GSTCD: variants seen among roughly 807,000 people sequenced by gnomAD.
GSTCD encodes the protein glutathione S-transferase C-terminal domain-containing protein.
Under a neutral mutation model 68.3 loss-of-function variants are expected in GSTCD, and 44 were observed. The ratio of observed to expected loss-of-function variants is 0.64; its 90% CI spans 0.51 to 0.83. GSTCD has a LOEUF of 0.83. Ranked by LOEUF, GSTCD falls within the 40% of genes least tolerant of loss-of-function variation. GSTCD has a pLI of 0.00. For missense variants in GSTCD, 739 were observed against 735.9 expected (o/e 1.00, Z -0.05); for synonymous variants, 273 against 255.2 (o/e 1.07, Z -0.67).
At chr4:105,713,971 C>G (rs1392336762) in intron 1 of GSTCD, among the ~76,000 whole-genome samples, 1 of 151,136 alleles carries the variant, frequency 6.6e-6, no homozygotes, top group Non-Finnish European at 1.5e-5. Context: ...TACTGTTTAT[C>G]TCTCATTCTC....
At chr4:105,739,241 T>C (rs192401809) in intron 5 of GSTCD, among the ~76,000 whole-genome samples, 2 of 152,326 alleles carry the variant, frequency 1.3e-5, no homozygotes, top group Admixed American at 6.5e-5. Context: ...TGTTTGCTAG[T>C]ATTTTGTTGA....
intron 7 of GSTCD, chr4:105,823,580 A>G (rs529260475): frequency 1.0e-5 from 2 of 195,980 alleles, no homozygotes; most frequent in East Asian, 1.2e-4. Flanking sequence ...AATTTTCAAT[A>G]TAATTTTAAA....
chr4:105,719,365 A>G lies in GSTCD; in HGVS notation c.732A>G (p.Ser244=). ...GTCTGGAACTGAAAGTGGCATTCTC[A>G]AAGCTCACAGTACAGGAAGAACCAG... is the stretch of plus-strand genomic sequence containing the variant. ...SKSLELKVAF[S]KLTVQEEPAT... is the part of the protein sequence containing the mutation. The change falls in exon 3 of 12, where the codon TCA becomes TCG. Residue 244 remains serine, a synonymous_variant. Coordinates refer to ENST00000515279, the MANE Select transcript of GSTCD (RefSeq NM_001370181.1). 6.2e-7 allele frequency: 1 copy of G among 1,613,828 alleles called. No homozygotes were observed. Among genetic ancestry groups the G allele is most frequent in the Non-Finnish European group, 8.5e-7 (1 of 1,179,722 alleles).
In GSTCD at chr4:105,812,350, TTTTTTA is replaced by T. The variant is rs570400546; in HGVS notation, c.1241-10581_1241-10576del. On this transcript the variant is annotated intron_variant, in intron 5 of 11. Coordinates refer to ENST00000515279, the MANE Select transcript of GSTCD (RefSeq NM_001370181.1). Reference sequence around the variant, plus strand: ...GCTTGTGCATGCTTACACACTATAGTTTTTTATTTTTATTTTTATTTTTATTTTCAT... The same window carrying T: ...GCTTGTGCATGCTTACACACTATAGTTTTTTATTTTTATTTTTATTTTCAT... 2.7e-3 allele frequency among the ~76,000 whole-genome samples: 407 copies of T among 152,126 alleles called. 2 individuals carry two copies. The highest frequency in any genetic ancestry group is 9.3e-3 in the African/African-American group (388 of 41,526).
intron 5 of GSTCD, among the ~76,000 whole-genome samples, chr4:105,732,531 G>A (rs1404301085): frequency 6.6e-6 from 1 of 152,068 alleles, no homozygotes; most frequent in African/African-American, 2.4e-5. Context: ...GGGATCGGTG[G>A]TGATATCACC....
chr4:105,794,787 T>C (rs1266706109), intron 5 of GSTCD, among the ~76,000 whole-genome samples: 1 of 152,010 alleles, frequency 6.6e-6, no homozygotes, highest in Non-Finnish European at 1.5e-5. Context: ...TTTTTATTTC[T>C]ACCACGTTTG....
At chr4:105,828,563 C>T (rs921638297) in intron 8 of GSTCD, among the ~76,000 whole-genome samples, 3 of 152,132 alleles carry the variant, frequency 2.0e-5, no homozygotes, top group Non-Finnish European at 2.9e-5. Context: ...TCAGAAAAAT[C>T]AAACTCTATG....
At chr4:105,826,540 A>C (rs1219574309) in intron 8 of GSTCD, among the ~76,000 whole-genome samples, 2 of 152,130 alleles carry the variant, frequency 1.3e-5, no homozygotes, top group African/African-American at 4.8e-5. Flanking sequence ...TATGCCTACT[A>C]TCAAGTGATA....
chr4:105,743,653 CTTTTTTTT>C (rs777714268), intron 5 of GSTCD, among the ~76,000 whole-genome samples: 2 of 88,848 alleles, frequency 2.3e-5, no homozygotes, highest in Non-Finnish European at 4.3e-5. Context: ...ACAGGACATT[CTTTTTTTT>C]TTTTTTTTTT....
At chr4:105,711,424 TG>T (rs1249419032) in intron 1 of GSTCD, among the ~76,000 whole-genome samples, 2 of 152,198 alleles carry the variant, frequency 1.3e-5, no homozygotes, top group African/African-American at 4.8e-5. Flanking sequence ...AGTATTTGGT[TG>T]GGAAAAACTT....
intron 5 of GSTCD, among the ~76,000 whole-genome samples, chr4:105,818,712 T>C (rs1723130142): frequency 6.6e-6 from 1 of 151,744 alleles, no homozygotes; most frequent in Non-Finnish European, 1.5e-5. Flanking sequence ...AGACAGAATG[T>C]GGTGAGCATA....
intron 5 of GSTCD, among the ~76,000 whole-genome samples, chr4:105,813,122 C>G (rs1722821481): frequency 6.6e-6 from 1 of 152,130 alleles, no homozygotes; most frequent in South Asian, 2.1e-4. Flanking sequence ...CAAGCTACTT[C>G]ATTATTTTTG....
At chr4:105,830,701 T>A (rs1367588992) in intron 8 of GSTCD, among the ~76,000 whole-genome samples, 1 of 152,112 alleles carries the variant, frequency 6.6e-6, no homozygotes, top group Non-Finnish European at 1.5e-5. Context: ...TGACCAATTA[T>A]TTGAAAGTTT....
intron 5 of GSTCD, chr4:105,815,101 G>C (rs138399186): frequency 6.6e-6 from 1 of 152,226 alleles, no homozygotes; most frequent in African/African-American, 2.4e-5. Context: ...TATGGTATCT[G>C]TCTTATGCTC....
In GSTCD at chr4:105,770,163, A is replaced by G. The variant is rs1052621469; in HGVS notation, c.1240+40664A>G. ...TGAAAGTCCGTTTTGACTTAACCAC[A>G]TAGCGGCAAACTGAATTAAATATGA... On this transcript the variant is annotated intron_variant, in intron 5 of 11. Coordinates refer to ENST00000515279, the MANE Select transcript of GSTCD (RefSeq NM_001370181.1). Among the ~76,000 whole-genome samples, 7 of 152,238 alleles carry G rather than the reference A, an allele frequency of 4.6e-5. No homozygotes were observed. In the South Asian group the frequency reaches 1.4e-3, roughly 32 times the overall value.
At chr4:105,710,090 C>G (rs955753552) in intron 1 of GSTCD, among the ~76,000 whole-genome samples, 1 of 151,702 alleles carries the variant, frequency 6.6e-6, no homozygotes, top group African/African-American at 2.4e-5. Context: ...TGTGAGGTCT[C>G]ACTTCAAAAA....
At chr4:105,810,690 G>A (rs1722715733) in intron 5 of GSTCD, among the ~76,000 whole-genome samples, 1 of 152,000 alleles carries the variant, frequency 6.6e-6, no homozygotes, top group Admixed American at 6.6e-5. Context: ...TAATTTTCAA[G>A]AAGACATATT....
At chr4:105,745,013 A>T (rs1482611142) in intron 5 of GSTCD, among the ~76,000 whole-genome samples, 4 of 152,336 alleles carry the variant, frequency 2.6e-5, no homozygotes, top group African/African-American at 9.6e-5. Flanking sequence ...ACTAAAAATC[A>T]TGAGTTTATA....
chr4:105,764,266 A>G (rs778476034), intron 5 of GSTCD, among the ~76,000 whole-genome samples: 3 of 152,188 alleles, frequency 2.0e-5, no homozygotes, highest in African/African-American at 2.4e-5. Context: ...TTATGTTGTT[A>G]TATATCCAAC....
Sources: gnomAD v4.1 joint callset for allele counts (sites outside exome capture counted in the v4.1 genomes callset) on GRCh38, gnomAD v4.1.1 for gene constraint, MANE v1.5 for transcripts, NCBI Gene and HGNC (gene_info 2026-07-23, HGNC 2026-07-21) for gene names.